Variants in CEP192 observed in about 807,000 individuals in gnomAD.
CEP192 encodes centrosomal protein 192.
In CEP192, 151 loss-of-function variants were observed where a neutral mutation model predicts 271.8. The ratio of observed to expected loss-of-function variants is 0.56; its 90% CI spans 0.49 to 0.64. CEP192 has a LOEUF of 0.64. CEP192 is among the 30% of genes least tolerant of loss of function. The probability of loss-of-function intolerance (pLI) is 0.00; values close to 1 mark genes in which losing one functional copy is unlikely to be tolerated. For missense variants in CEP192, 2,910 were observed against 3,020.5 expected (o/e 0.96, Z 0.86); for synonymous variants, 995 against 1,076.5 (o/e 0.92, Z 1.48).
At chr18:13,055,471 T>C (rs879625195) in intron 18 of CEP192, among the ~76,000 whole-genome samples, 3 of 152,154 alleles carry the variant, frequency 2.0e-5, no homozygotes, top group Admixed American at 2.0e-4. Context: ...TTTACAGAAA[T>C]CCCTTAAATC....
chr18:13,032,579 G>T (rs139735417), intron 11 of CEP192, among the ~76,000 whole-genome samples: 4 of 152,266 alleles, frequency 2.6e-5, no homozygotes, highest in Non-Finnish European at 4.4e-5. Context: ...AACCTGTTTG[G>T]CAGTGTCTTG....
At position 13,030,448 on chromosome 18, in the gene CEP192, G is replaced by A; in HGVS notation, c.1391-17G>A. The A allele has an allele frequency of 6.5e-7, 1 of 1,533,178 alleles. No individual in the cohort carries two copies. The highest frequency in any genetic ancestry group is 8.8e-7 in the Non-Finnish European group (1 of 1,138,798). The allele number at this position is 1,533,178 out of a possible 1,614,324, so 95.0% of individuals were successfully genotyped here. A position where few individuals can be genotyped will look rare whatever the true frequency, so the allele number is the denominator to read the frequency against. ...GTTACATGTGTCATTTGATATTTTGGGAATTTTATTTTTTAGAAACAGATC... is the reference window on the plus strand; with the variant it reads ...GTTACATGTGTCATTTGATATTTTGAGAATTTTATTTTTTAGAAACAGATC... On this transcript the variant is annotated splice_polypyrimidine_tract_variant and intron_variant, in intron 10 of 44. Transcript: ENST00000506447.
intron 36 of CEP192, among the ~76,000 whole-genome samples, chr18:13,097,441 TC>T (rs766946109): frequency 1.3e-5 from 2 of 152,132 alleles, no homozygotes; most frequent in Non-Finnish European, 2.9e-5. Context: ...TCATTTCTTC[TC>T]CATCTCCCCG....
chr18:12,997,024 C>G lies in CEP192; in HGVS notation c.-4-2397C>G, dbSNP rs192784014. On this transcript the variant is annotated intron_variant, in intron 1 of 44. Coordinates refer to ENST00000506447, the MANE Select transcript of CEP192 (RefSeq NM_032142.4). Reference sequence around the variant, plus strand: ...AATGGGGGTGTGAGGTAGAGGAAGGCTTTTTTTAAAAGGTGGGAGAAATAA... The same window carrying G: ...AATGGGGGTGTGAGGTAGAGGAAGGGTTTTTTTAAAAGGTGGGAGAAATAA... Among the ~76,000 whole-genome samples, 3 of 151,960 alleles carry G rather than the reference C, an allele frequency of 2.0e-5. No homozygotes were observed. In the East Asian group the frequency reaches 5.8e-4, roughly 29 times the overall value.
chr18:13,037,467 A>G (rs751991094), intron 12 of CEP192, among the ~76,000 whole-genome samples, 166 bp downstream of exon 12: 1 of 152,206 alleles, frequency 6.6e-6, no homozygotes, highest in East Asian at 1.9e-4. Context: ...TAAATAAAAT[A>G]CTCTAAATTA....
At chr18:13,065,684 A>G (rs1286976865) in intron 21 of CEP192, among the ~76,000 whole-genome samples, 2 of 152,204 alleles carry the variant, frequency 1.3e-5, no homozygotes, top group African/African-American at 4.8e-5. Flanking sequence ...TACAAGTTAT[A>G]TTCCATGCAC....
Position 13,073,090 on chromosome 18 carries a change from T to G in CEP192, c.5521T>G (p.Ser1841Ala). 2 of 1,613,860 alleles carry G rather than the reference T, an allele frequency of 1.2e-6. 1 individual carries two copies. The highest frequency in any genetic ancestry group is 2.2e-5 in the South Asian group (2 of 90,996). ...RIHPKEDIFI[S>A]VLFAPTRLSC... ...TCACCCAAAGGAAGACATTTTCATCTCTGTATTATTTGCACCTACTCGATT... is the reference window on the plus strand; with the variant it reads ...TCACCCAAAGGAAGACATTTTCATCGCTGTATTATTTGCACCTACTCGATT... The change falls in exon 30 of 45, where the codon TCT becomes GCT. Residue 1841 changes from serine (S) to alanine (A), a missense_variant. Coordinates refer to ENST00000506447, the MANE Select transcript of CEP192 (RefSeq NM_032142.4).
Position 13,040,873 on chromosome 18 carries a change from C to G in CEP192, c.1853C>G (p.Pro618Arg). The change falls in exon 14 of 45, where the codon CCT becomes CGT. Residue 618 changes from proline to arginine, a missense_variant. Pro to Arg is a moderately radical substitution (Grantham distance 103). Coordinates refer to ENST00000506447, the MANE Select transcript of CEP192 (RefSeq NM_032142.4). ...ATTAGATCACCAGAGAAGAGAGAAC[C>G]TATTGCCTTAATAAGAAAATCTGAT... ...YFIRSPEKRE[P>R]IALIRKSDVS... 2.5e-6 allele frequency: 4 copies of G among 1,603,792 alleles called. No homozygotes were observed. Among genetic ancestry groups the G allele is most frequent in the Non-Finnish European group, 3.4e-6 (4 of 1,171,698 alleles).
intron 15 of CEP192, among the ~76,000 whole-genome samples, chr18:13,042,549 A>G (rs9963273): frequency 0.036 from 5,489 of 152,314 alleles, 314 homozygotes; most frequent in African/African-American, 0.12. Context: ...TTTGTAGTCA[A>G]TGAATGAATT....
rs755867108 is a variant in CEP192, at chr18:13,086,982, A to T, written c.5617-35A>T. Reference sequence around the variant, plus strand: ...TTCAGTGTTTCGCTTTCTGCTTAACATTAAAATAATTTTGGATATGTATAT... The same window carrying T: ...TTCAGTGTTTCGCTTTCTGCTTAACTTTAAAATAATTTTGGATATGTATAT... On this transcript the variant is annotated intron_variant, in intron 30 of 44. Coordinates refer to ENST00000506447, the MANE Select transcript of CEP192 (RefSeq NM_032142.4). The T allele has an allele frequency of 4.1e-6, 6 of 1,481,190 alleles. No individual in the cohort carries two copies. The Admixed American group carries it at 9.4e-5, about 23-fold the overall frequency. The allele number at this position is 1,481,190 out of a possible 1,614,324, so 91.8% of individuals were successfully genotyped here.
intron 9 of CEP192, 48 bp downstream of exon 9, chr18:13,019,254 G>A: frequency 1.4e-6 from 2 of 1,406,308 alleles, no homozygotes; most frequent in South Asian, 3.2e-5. Flanking sequence ...AGGAATAAGG[G>A]GTCTTTTGTG....
At chr18:13,051,553 T>C (rs2036791895) in intron 17 of CEP192, among the ~76,000 whole-genome samples, 1 of 152,148 alleles carries the variant, frequency 6.6e-6, no homozygotes, top group South Asian at 2.1e-4. Context: ...TATTTATTTT[T>C]TATTTTTTTT....
chr18:13,042,434 ATCTTT>A, intron 15 of CEP192, 100 bp downstream of exon 15: 1 of 1,231,074 alleles, frequency 8.1e-7, no homozygotes, highest in East Asian at 2.4e-5. Context: ...GCCGTTTAAC[ATCTTT>A]TCTTTCCTGG....
intron 18 of CEP192, among the ~76,000 whole-genome samples, chr18:13,053,417 C>T (rs985851315): frequency 6.6e-6 from 1 of 152,130 alleles, no homozygotes; most frequent in Non-Finnish European, 1.5e-5. Context: ...AAGGTTTCTG[C>T]AGGGATAAAT....
At chr18:13,055,455 G>A (rs1056507090) in intron 18 of CEP192, among the ~76,000 whole-genome samples, 1 of 152,036 alleles carries the variant, frequency 6.6e-6, no homozygotes, top group African/African-American at 2.4e-5. Context: ...GGATTTTTTT[G>A]TAAAGTTTAC....
intron 13 of CEP192, among the ~76,000 whole-genome samples, chr18:13,040,062 C>G (rs2036121979): frequency 6.6e-6 from 1 of 152,026 alleles, no homozygotes; most frequent in Non-Finnish European, 1.5e-5. Context: ...TTAGAAGTCA[C>G]AGCTGATTCA....
chr18:13,067,628 G>A (rs1026348897), intron 21 of CEP192, among the ~76,000 whole-genome samples: 1 of 151,832 alleles, frequency 6.6e-6, no homozygotes, highest in South Asian at 2.1e-4. Flanking sequence ...AGTATATTTG[G>A]GTACATAGAC....
chr18:13,072,594 G>A (rs113636120), intron 28 of CEP192, among the ~76,000 whole-genome samples, 161 bp from the exon 29 acceptor site: 3 of 152,340 alleles, frequency 2.0e-5, no homozygotes, highest in East Asian at 1.9e-4. Flanking sequence ...TTTCAGAAAC[G>A]TAGAGCCTAG....
chr18:13,073,705 A>T (rs2038127815), intron 30 of CEP192, among the ~76,000 whole-genome samples: 1 of 152,060 alleles, frequency 6.6e-6, no homozygotes, highest in Non-Finnish European at 1.5e-5. Context: ...TTTTGTCCCC[A>T]CTCATCGTGA....
Sources: gnomAD v4.1 joint callset for allele counts (sites outside exome capture counted in the v4.1 genomes callset) on GRCh38, gnomAD v4.1.1 for gene constraint, MANE v1.5 for transcripts, NCBI Gene and HGNC (gene_info 2026-07-23, HGNC 2026-07-21) for gene names.